ZNF544: variants seen among roughly 807,000 people sequenced by gnomAD.
The protein encoded by ZNF544 is zinc finger protein AF020591.
In ZNF544, 10 loss-of-function variants were observed where a neutral mutation model predicts 13.5. That is an observed-to-expected ratio of 0.74 (90% CI 0.46 to 1.25). The LOEUF (loss-of-function observed/expected upper bound fraction) is 1.25, where lower values mean the gene tolerates loss of function less well. Among genes scored for constraint, ZNF544 ranks in the 50% most tolerant of loss-of-function variants. ZNF544 has a pLI of 0.00. For missense variants in ZNF544, 896 were observed against 845.6 expected (o/e 1.06, Z -0.74); for synonymous variants, 323 against 300.5 (o/e 1.07, Z -0.77).
chr19:58,242,388 A>ATT, intron 3 of ZNF544: 351 of 536,062 alleles, frequency 6.5e-4, no homozygotes, highest in Non-Finnish European at 7.8e-4. Context: ...ATTCCAGGGA[A>ATT]TTTTTTTTTT....
intron 6 of ZNF544, among the ~76,000 whole-genome samples, chr19:58,254,317 T>C (rs1568485577): frequency 6.6e-6 from 1 of 152,238 alleles, no homozygotes; most frequent in African/African-American, 2.4e-5. Context: ...CCAAACAATG[T>C]TGGGGCCAAA....
rs2048979337 is a variant in ZNF544, at chr19:58,261,662, G to C, written c.1056G>C (p.Lys352Asn). ...GTAACATCATTCAGACTACAGAGAA[G>C]CCATCTGTGTGTAATCAGTGTGGAA... ...SDCNIIQTTE[K>N]PSVCNQCGKS... The change falls in exon 7 of 7, where the codon AAG becomes AAC. Residue 352 changes from lysine to asparagine, a missense_variant. Transcript: ENST00000687789. The C allele has an allele frequency of 6.2e-7, 1 of 1,614,206 alleles. No homozygotes were observed. The highest frequency in any genetic ancestry group is 1.3e-5 in the African/African-American group (1 of 75,056).
chr19:58,273,546 C>T (rs1357005925), intron 5 of ZNF544, among the ~76,000 whole-genome samples: 1 of 151,710 alleles, frequency 6.6e-6, no homozygotes, highest in East Asian at 2.0e-4. Context: ...AAAAATTAGC[C>T]GGGCGTGGTG....
chr19:58,236,321 G>C (rs2930100), intron 3 of ZNF544, among the ~76,000 whole-genome samples: 26,406 of 151,552 alleles, frequency 0.17, 2,742 homozygotes, highest in East Asian at 0.35. Context: ...CCAACATGGA[G>C]AAACCCCGTC....
In ZNF544 at chr19:58,262,316, T is replaced by C. The variant is rs1484753126; in HGVS notation, c.1710T>C (p.His570=). The C allele has an allele frequency of 8.7e-6, 14 of 1,613,760 alleles. No homozygotes were observed. Among genetic ancestry groups the C allele is most frequent in the Admixed American group, 1.7e-5 (1 of 59,950 alleles). The change falls in exon 7 of 7, where the codon CAT becomes CAC. Residue 570 remains histidine (H), a synonymous_variant. Transcript: ENST00000687789. ...NSNLVIHQRI[H]TGEKPYDCTH... is the part of the protein sequence containing the mutation. Reference sequence around the variant, plus strand: ...ACCTCGTCATACATCAGAGAATTCATACTGGAGAGAAACCGTACGATTGCA... The same window carrying C: ...ACCTCGTCATACATCAGAGAATTCACACTGGAGAGAAACCGTACGATTGCA...
chr19:58,245,004 A>G (rs552390360), intron 4 of ZNF544, among the ~76,000 whole-genome samples: 56 of 151,806 alleles, frequency 3.7e-4, no homozygotes, highest in Non-Finnish European at 6.6e-4. Flanking sequence ...GCTGGAGTGC[A>G]GTGGCACAAT....
At chr19:58,237,125 T>C (rs1217423405) in intron 3 of ZNF544, among the ~76,000 whole-genome samples, 1 of 149,148 alleles carries the variant, frequency 6.7e-6, no homozygotes, top group Non-Finnish European at 1.5e-5. Flanking sequence ...AGTGCAGCGG[T>C]GTGATCTTGG....
At chr19:58,277,178 C>T (rs190292331) in intron 6 of ZNF544, 8 of 1,231,746 alleles carry the variant, frequency 6.5e-6, no homozygotes, top group Non-Finnish European at 8.1e-6. Context: ...CCTGCTCCTT[C>T]TCAGGAACGA....
Position 58,261,129 on chromosome 19 carries a change from C to T in ZNF544, c.523C>T (p.Pro175Ser), listed in dbSNP as rs750568751. 3.7e-6 allele frequency: 6 copies of T among 1,614,146 alleles called. No homozygotes were observed. Among genetic ancestry groups the T allele is most frequent in the Non-Finnish European group, 4.2e-6 (5 of 1,180,034 alleles). The change falls in exon 7 of 7, where the codon CCT becomes TCT. Residue 175 changes from proline (P) to serine (S), a missense_variant. Coordinates refer to ENST00000687789, the MANE Select transcript of ZNF544 (RefSeq NM_014480.4). ...YSLPSTLSLL[P>S]TTLPTSTGFP... ...TCTACCTTCTACTTTAAGCCTTCTA[C>T]CTACAACATTACCTACAAGTACAGG...
intron 6 of ZNF544, 110 bp from the exon 7 acceptor site, chr19:58,260,741 T>A (rs1313550557): frequency 4.8e-6 from 5 of 1,047,372 alleles, no homozygotes; most frequent in Non-Finnish European, 6.7e-6. Flanking sequence ...AGTTTGTAGT[T>A]TGGAAACAAA....
At position 58,263,571 on chromosome 19, in the gene ZNF544, C is replaced by G. The variant is rs1568508161; in HGVS notation, c.*817C>G. On this transcript the variant is annotated 3_prime_UTR_variant, in exon 7 of 7. Coordinates refer to ENST00000687789, the MANE Select transcript of ZNF544 (RefSeq NM_014480.4). Reference sequence around the variant, plus strand: ...TTCATGACCATGTGCATCAGAATTGCCTGGAGTGTGCACTGAAACTGTGTA... The same window carrying G: ...TTCATGACCATGTGCATCAGAATTGGCTGGAGTGTGCACTGAAACTGTGTA... 1 of 985,374 alleles carries G rather than the reference C, an allele frequency of 1.0e-6. No individual in the cohort carries two copies. The highest frequency in any genetic ancestry group is 1.2e-6 in the Non-Finnish European group (1 of 829,900). 61.0% of individuals were successfully genotyped at this position (985,374 alleles called of 1,614,324 possible).
intron 3 of ZNF544, among the ~76,000 whole-genome samples, chr19:58,238,612 G>A (rs927288756): frequency 2.6e-5 from 4 of 152,166 alleles, no homozygotes; most frequent in Admixed American, 6.5e-5. Context: ...AGAGGAGTGC[G>A]TACGTGAGGG....
intron 6 of ZNF544, among the ~76,000 whole-genome samples, chr19:58,250,910 G>A (rs1387326774): frequency 6.6e-6 from 1 of 152,170 alleles, no homozygotes; most frequent in African/African-American, 2.4e-5. Context: ...TGAGTTAAAT[G>A]TAAAGTTTTT....
chr19:58,239,038 TCTC>T (rs957669388), intron 3 of ZNF544, among the ~76,000 whole-genome samples: 4 of 151,978 alleles, frequency 2.6e-5, no homozygotes, highest in African/African-American at 9.7e-5. Flanking sequence ...GCCTCTGAGT[TCTC>T]CTTCGCGTTC....
At chr19:58,234,031 C>G (rs1334508779) in intron 3 of ZNF544, among the ~76,000 whole-genome samples, 1 of 152,216 alleles carries the variant, frequency 6.6e-6, no homozygotes, top group Non-Finnish European at 1.5e-5. Flanking sequence ...CTGCCCACTT[C>G]TCTCCATTTT....
At chr19:58,269,584 G>A (rs1461067195) in intron 5 of ZNF544, among the ~76,000 whole-genome samples, 6 of 139,126 alleles carry the variant, frequency 4.3e-5, no homozygotes, top group African/African-American at 5.4e-5. Context: ...GCACTCCAGC[G>A]TGGGCGACAA....
In ZNF544 at chr19:58,261,735, GA is replaced by G. The variant is rs1247015516; in HGVS notation, c.1133del (p.Lys378SerfsTer102). ...CATACACCAGAGAACACACACTGGA[GA>G]AAAGCCCTTCGAATGTACTCAGTGT... ...KLIHQRTHTGEKPFECTQCGK... is the reference protein window; with the variant it reads ...KLIHQRTHTGXKPFECTQCGK... On this transcript the variant is annotated frameshift_variant, in exon 7 of 7. Transcript: ENST00000687789. LOFTEE classifies it low-confidence loss of function (END_TRUNC). 6.2e-7 allele frequency: 1 copy of G among 1,614,236 alleles called. No homozygotes were observed. Among genetic ancestry groups the G allele is most frequent in the Non-Finnish European group, 8.5e-7 (1 of 1,180,046 alleles).
rs1212674318 is a variant in ZNF544, at chr19:58,253,952, C to T, written c.245-6899C>T. On this transcript the variant is annotated intron_variant, in intron 6 of 6. Transcript: ENST00000687789. The stretch of plus-strand genomic sequence containing the variant: ...AGCCAACTTCTTTAGTAAAGATTTA[C>T]TTAAGTCGGCTGGGTGCGGTGGCTC... 2.0e-5 allele frequency among the ~76,000 whole-genome samples: 3 copies of T among 152,302 alleles called. No individual in the cohort carries two copies. In the East Asian group the frequency reaches 5.8e-4, roughly 29 times the overall value.
exon 7 of ZNF544, chr19:58,277,416 T>G (rs528066001): frequency 8.1e-5 from 35 of 434,532 alleles, no homozygotes; most frequent in African/African-American, 5.7e-4. Flanking sequence ...ATCAGCCCCA[T>G]GGGGGTGAGC....
Sources: allele counts gnomAD v4.1 joint callset (sites outside exome capture counted in the v4.1 genomes callset), GRCh38; gene constraint gnomAD v4.1.1; transcripts MANE v1.5; gene names NCBI Gene and HGNC (gene_info 2026-07-23, HGNC 2026-07-21).